The following COMP variants were observed in gnomAD, a reference collection of about 807,000 sequenced individuals.
The protein encoded by COMP is cartilage oligomeric matrix protein (pseudoachondroplasia, epiphyseal dysplasia 1, multiple).
COMP carries 79 observed loss-of-function variants against 95.8 expected under a neutral mutation model. The observed-to-expected ratio is 0.82, with a 90% CI of 0.69 to 0.99. The LOEUF is 0.99. Ranked by LOEUF, COMP falls within the 50% of genes least tolerant of loss-of-function variation. The probability of loss-of-function intolerance (pLI) is 0.00; values close to 1 mark genes in which losing one functional copy is unlikely to be tolerated. For synonymous variants in COMP, 438 were observed against 433.9 expected, an observed-to-expected ratio of 1.01 and a Z score of -0.12; for missense variants, 906 against 1,076.1, an observed-to-expected ratio of 0.84 and a Z score of 2.21.
intron 17 of COMP, among the ~76,000 whole-genome samples, chr19:18,783,908 C>G (rs980866510): frequency 9.9e-5 from 15 of 152,114 alleles, no homozygotes; most frequent in African/African-American, 3.6e-4. Context: ...CTGCGCCTGG[C>G]CTAATTTTTT....
intron 2 of COMP, 48 bp downstream of exon 2, chr19:18,790,801 AC>A: frequency 1.3e-6 from 2 of 1,556,298 alleles, no homozygotes; most frequent in Non-Finnish European, 1.7e-6. Flanking sequence ...GGGAACTGAG[AC>A]CCCCTTCCGT....
intron 9 of COMP, 123 bp from the exon 10 acceptor site, chr19:18,787,773 CG>C (rs1321961258): frequency 1.6e-6 from 2 of 1,276,500 alleles, no homozygotes; most frequent in Non-Finnish European, 2.2e-6. Context: ...TCCTAGACCA[CG>C]GAGGCCACGC....
Position 18,786,642 on chromosome 19 carries a change from T to C in COMP, c.1144A>G (p.Asn382Asp). ...DDDIDGDRIR[N>D]QADNCPRVPN... ...ACCCTAGGGCAGTTGTCGGCCTGGT[T>C]GCGGATCCCTGCAGAAATCCACGGG... The change falls in exon 11 of 19, where the codon AAC (asparagine) becomes GAC (aspartate). Residue 382 changes from asparagine (N) to aspartate (D), a missense_variant. By Grantham distance (23) the Asn-to-Asp change is conservative. Coordinates refer to ENST00000222271, the MANE Select transcript of COMP (RefSeq NM_000095.3). 1 of 1,613,690 alleles carries C rather than the reference T, an allele frequency of 6.2e-7. No homozygotes were observed. The highest frequency in any genetic ancestry group is 1.1e-5 in the South Asian group (1 of 91,062).
At position 18,786,102 on chromosome 19, in the gene COMP, A is replaced by C. The variant is rs530668887; in HGVS notation, c.1352T>G (p.Val451Gly). The change falls in exon 13 of 19, where the codon GTG becomes GGG. Residue 451 changes from valine (V) to glycine (G), a missense_variant. By Grantham distance (109) the Val-to-Gly change is moderately radical (BLOSUM62 -3). Coordinates refer to ENST00000222271, the MANE Select transcript of COMP (RefSeq NM_000095.3). ...TGAGTCCTCCTGGGCACTGTTAGGCACCGTGGGACAGTTGTCCCGAGAGTC... is the reference window on the plus strand; with the variant it reads ...TGAGTCCTCCTGGGCACTGTTAGGCCCCGTGGGACAGTTGTCCCGAGAGTC... ...HQDSRDNCPT[V>G]PNSAQEDSDH... The C allele has an allele frequency of 1.9e-6, 3 of 1,614,150 alleles. No individual in the cohort carries two copies. The African/African-American group carries it at 4.0e-5, about 22-fold the overall frequency.
Position 18,789,335 on chromosome 19 carries a change from G to A in COMP, c.391-38C>T, listed in dbSNP as rs748780078. The A allele has an allele frequency of 2.1e-6, 3 of 1,443,574 alleles. No individual in the cohort carries two copies. Among genetic ancestry groups the A allele is most frequent in the Admixed American group, 5.9e-5 (2 of 33,654 alleles). 89.4% of individuals were successfully genotyped at this position (1,443,574 alleles called of 1,614,324 possible). A position where few individuals can be genotyped will look rare whatever the true frequency, so the allele number is the denominator to read the frequency against. Reference sequence around the variant, plus strand: ...GGGCCACAGAGGGTCAGAGGGCTTCGAGCTGGGCCCTGGGGGCCGCACCTC... The same window carrying A: ...GGGCCACAGAGGGTCAGAGGGCTTCAAGCTGGGCCCTGGGGGCCGCACCTC... On this transcript the variant is annotated intron_variant, in intron 4 of 18. Transcript: ENST00000222271. The surrounding 1 kb of genome is among the most constrained non-coding windows in gnomAD (Gnocchi z 6.1).
rs1367107361 is a variant in COMP, at chr19:18,786,582, C to T, written c.1204G>A (p.Gly402Ser). 6.2e-7 allele frequency: 1 copy of T among 1,614,088 alleles called. No homozygotes were observed. The highest frequency in any genetic ancestry group is 8.5e-7 in the Non-Finnish European group (1 of 1,180,014). Residue 402 changes from glycine (G) to serine (S), a missense_variant, in exon 11 of 19, where the codon GGT becomes AGT. Transcript: ENST00000222271. ...CAGTTGTCACAGGCATCCCCTATAC[C>T]ATCGCCATCACTGTCCTTCTGGTCT... The part of the protein sequence containing the change: ...NSDQKDSDGD[G>S]IGDACDNCPQ...
At chr19:18,787,372 C>T (rs1169571396) in intron 10 of COMP, 119 bp downstream of exon 10, 9 of 1,429,058 alleles carry the variant, frequency 6.3e-6, no homozygotes, top group Middle Eastern at 2.4e-4. Flanking sequence ...TGGTCCAGGG[C>T]GCCCTAGTCC....
chr19:18,785,445 C>T, intron 15 of COMP, 53 bp downstream of exon 15: 1 of 1,609,132 alleles, frequency 6.2e-7, no homozygotes. Context: ...CTTCTCTGGC[C>T]CCTCTCCCTG....
intron 15 of COMP, 21 bp downstream of exon 15, chr19:18,785,477 G>T (rs1432216887): frequency 2.5e-6 from 4 of 1,612,610 alleles, no homozygotes; most frequent in African/African-American, 1.3e-5. Context: ...TGGCAGGATA[G>T]CGCTGCTCCC....
In COMP at chr19:18,789,560, G is replaced by A. The variant is rs367906615; in HGVS notation, c.391-263C>T. ...GGCATCCCCAGCAGAGGGGGGCAGG[G>A]GTCGTCGGGGCGTGCGTGCCCGGCG... On this transcript the variant is annotated intron_variant, in intron 4 of 18. Transcript: ENST00000222271. This position sits in a 1 kb window ranked among gnomAD's most constrained non-coding sequence, Gnocchi z 6.1. Among the ~76,000 whole-genome samples the A allele has an allele frequency of 2.5e-4, 38 of 152,152 alleles. No individual in the cohort carries two copies. The East Asian group carries it at 3.9e-3, about 16-fold the overall frequency.
intron 2 of COMP, 99 bp from the exon 3 acceptor site, chr19:18,790,712 G>T (rs548771123): frequency 1.3e-4 from 211 of 1,610,390 alleles, no homozygotes; most frequent in Non-Finnish European, 1.8e-4. Flanking sequence ...GCCTCTTTTC[G>T]CCAAGGACTC....
Position 18,788,392 on chromosome 19 carries a change from CG to C in COMP, c.867+17del. The stretch of plus-strand genomic sequence containing the variant: ...CCCTCCCTCCTGCCCAAGCCCGCCC[CG>C]CTCCGCCCCCACCCACCTTACGGCA... On this transcript the variant is annotated intron_variant, in intron 8 of 18. Transcript: ENST00000222271. This position sits in a 1 kb window ranked among gnomAD's most constrained non-coding sequence, Gnocchi z 4.7. 11 of 1,578,390 alleles carry C rather than the reference CG, an allele frequency of 7.0e-6. No homozygotes were observed. Among genetic ancestry groups the C allele is most frequent in the South Asian group, 1.1e-5 (1 of 90,050 alleles).
Position 18,788,197 on chromosome 19 carries a change from G to A in COMP, c.975+15C>T, listed in dbSNP as rs982321438. Reference sequence around the variant, plus strand: ...GATTACAGGAGTGAACCACCGTGCCGAGCCGTAGATCTACCTTTTCATTGG... The same window carrying A: ...GATTACAGGAGTGAACCACCGTGCCAAGCCGTAGATCTACCTTTTCATTGG... On this transcript the variant is annotated intron_variant, in intron 9 of 18. Coordinates refer to ENST00000222271, the MANE Select transcript of COMP (RefSeq NM_000095.3). The surrounding 1 kb of genome is among the most constrained non-coding windows in gnomAD (Gnocchi z 4.7). The A allele has an allele frequency of 3.1e-6, 5 of 1,607,072 alleles. No individual in the cohort carries two copies. The highest frequency in any genetic ancestry group is 2.2e-5 in the South Asian group (2 of 90,870).
rs2055162493 is a variant in COMP at position 18,785,867 on chromosome 19, C to T, written c.1490-16G>A. ...ACGCCGTCCCCTGAGAGGTGGGAGA[C>T]CCCTCGGTGGGCTAAAGTCAGGGCC... On this transcript the variant is annotated splice_polypyrimidine_tract_variant and intron_variant, in intron 13 of 18. Transcript: ENST00000222271. 1 of 1,609,756 alleles carries T rather than the reference C, an allele frequency of 6.2e-7. No individual in the cohort carries two copies.
Position 18,785,112 on chromosome 19 carries a change from A to G in COMP, c.1718-20T>C. 6.2e-7 allele frequency: 1 copy of G among 1,612,680 alleles called. No individual in the cohort carries two copies. Among genetic ancestry groups the G allele is most frequent in the Non-Finnish European group, 8.5e-7 (1 of 1,179,172 alleles). On this transcript the variant is annotated intron_variant, in intron 15 of 18. Transcript: ENST00000222271. ...TGTAACCTAGGGATGGAAAGAGAGC[A>G]GTGGCCTTTCCGAACGCCAGCCCCA...
At position 18,786,597 on chromosome 19, in the gene COMP, C is replaced by T. The variant is rs1479804676; in HGVS notation, c.1189G>A (p.Asp397Asn). ...CPRVPNSDQKDSDGDGIGDAC... is the reference protein window; with the variant it reads ...CPRVPNSDQKNSDGDGIGDAC... ...TCCCCTATACCATCGCCATCACTGTCCTTCTGGTCTGAGTTGGGTACCCTA... is the reference window on the plus strand; with the variant it reads ...TCCCCTATACCATCGCCATCACTGTTCTTCTGGTCTGAGTTGGGTACCCTA... Residue 397 changes from aspartate (D) to asparagine (N), a missense_variant, in exon 11 of 19, where the codon GAC becomes AAC. Transcript: ENST00000222271. The T allele has an allele frequency of 6.2e-7, 1 of 1,613,900 alleles. No homozygotes were observed. Among genetic ancestry groups the T allele is most frequent in the Non-Finnish European group, 8.5e-7 (1 of 1,179,996 alleles).
Position 18,790,082 on chromosome 19 carries a change from T to G in COMP, c.250A>C (p.Ser84Arg), listed in dbSNP as rs1264687491. 3.9e-6 allele frequency: 6 copies of G among 1,541,162 alleles called. No homozygotes were observed. Among genetic ancestry groups the G allele is most frequent in the African/African-American group, 1.4e-5 (1 of 72,628 alleles). The change falls in exon 4 of 19, where the codon AGC (serine) becomes CGC (arginine). Residue 84 changes from serine to arginine, a missense_variant. Transcript: ENST00000222271. ...MQQSVRTGLP[S>R]VRPLLHCAPG... ...GCGCAGTGGAGCAGGGGCCGCACGC[T>G]GGGTAGGCCGGTGCGTACTGACTGC...
Position 18,789,042 on chromosome 19 carries a change from G to C in COMP, c.528+118C>G, listed in dbSNP as rs936149688. 1 of 1,537,582 alleles carries C rather than the reference G, an allele frequency of 6.5e-7. No individual in the cohort carries two copies. Among genetic ancestry groups the C allele is most frequent in the African/African-American group, 1.4e-5 (1 of 73,490 alleles). Reference sequence around the variant, plus strand: ...CCAAACCGATCAGCCCTGGCGCAGCGGACCCCTCCTCTCCCCACCCCTCCC... The same window carrying C: ...CCAAACCGATCAGCCCTGGCGCAGCCGACCCCTCCTCTCCCCACCCCTCCC... On this transcript the variant is annotated intron_variant, in intron 5 of 18. Coordinates refer to ENST00000222271, the MANE Select transcript of COMP (RefSeq NM_000095.3). The surrounding 1 kb of genome is among the most constrained non-coding windows in gnomAD (Gnocchi z 6.1).
Position 18,789,104 on chromosome 19 carries a change from C to T in COMP, c.528+56G>A, listed in dbSNP as rs946275471. 6 of 1,566,496 alleles carry T rather than the reference C, an allele frequency of 3.8e-6. No homozygotes were observed. In the African/African-American group the frequency reaches 5.4e-5, roughly 14 times the overall value. On this transcript the variant is annotated intron_variant, in intron 5 of 18. Transcript: ENST00000222271. The surrounding 1 kb of genome is among the most constrained non-coding windows in gnomAD (Gnocchi z 6.1). ...GCTGGAAGAGGAGTTTACTGGTAAA[C>T]AAAATGGACGCCCCCTTCCCTTCTG... is the stretch of plus-strand genomic sequence containing the variant.
Sources: gnomAD v4.1 joint callset for allele counts (sites outside exome capture counted in the v4.1 genomes callset) on GRCh38, gnomAD v4.1.1 for gene constraint, Gnocchi (gnomAD v3.1) non-coding constraint, MANE v1.5 for transcripts, NCBI Gene and HGNC (gene_info 2026-07-23, HGNC 2026-07-21) for gene names.